The following WASL variants were observed in gnomAD, a reference collection of about 807,000 sequenced individuals.
WASL encodes the protein actin nucleation-promoting factor WASL.
In WASL, 20 loss-of-function variants were observed where a neutral mutation model predicts 55.5. The observed-to-expected ratio is 0.36, with a 90% CI of 0.25 to 0.52. The LOEUF is 0.52. Ranked by LOEUF, WASL falls within the 20% of genes least tolerant of loss-of-function variation. The probability of loss-of-function intolerance (pLI) is 0.92; values close to 1 mark genes in which losing one functional copy is unlikely to be tolerated. For synonymous variants in WASL, 249 were observed against 217.6 expected (o/e 1.14, Z -1.27); for missense variants, 504 against 622.5 (o/e 0.81, Z 2.03).
At chr7:123,689,858 T>C (rs1803370434) in intron 9 of WASL, among the ~76,000 whole-genome samples, 1 of 151,136 alleles carries the variant, frequency 6.6e-6, no homozygotes, top group Admixed American at 6.6e-5. Flanking sequence ...TACATACATA[T>C]ATAATATATA....
chr7:123,700,094 T>C (rs985268436), intron 5 of WASL, among the ~76,000 whole-genome samples: 29 of 135,918 alleles, frequency 2.1e-4, no homozygotes, highest in Non-Finnish European at 2.6e-4. Flanking sequence ...GAGAATGGCG[T>C]GAACCCGGGA....
In WASL at chr7:123,737,596, C is replaced by CAAAAAAA. The variant is rs34669724; in HGVS notation, c.117+11015_117+11021dup. The stretch of plus-strand genomic sequence containing the variant: ...GGTGACAGAGCAAGACTCCGTCTCC[C>CAAAAAAA]AAAAAAAAAAAAAAAAAAAGCATTT... On this transcript the variant is annotated intron_variant, in intron 1 of 10. Transcript: ENST00000223023. Among the ~76,000 whole-genome samples, 47 of 72,790 alleles carry CAAAAAAA rather than the reference C, an allele frequency of 6.5e-4. 1 individual carries two copies. Among genetic ancestry groups the CAAAAAAA allele is most frequent in the Non-Finnish European group, 1.1e-3 (41 of 38,672 alleles). The allele number at this position is 72,790 out of a possible 152,430, so 47.8% of individuals were successfully genotyped here.
chr7:123,687,372 T>G (rs1004527306), intron 10 of WASL, among the ~76,000 whole-genome samples: 1 of 152,106 alleles, frequency 6.6e-6, no homozygotes, highest in Non-Finnish European at 1.5e-5. Context: ...CTCCTACTAC[T>G]TCTTGTATTT....
At chr7:123,731,559 T>C (rs148023723) in intron 1 of WASL, among the ~76,000 whole-genome samples, 3 of 151,940 alleles carry the variant, frequency 2.0e-5, no homozygotes, top group Admixed American at 6.5e-5. Context: ...TTTTGGGCCA[T>C]AAAACACACC....
intron 3 of WASL, 116 bp from the exon 4 acceptor site, chr7:123,706,489 G>T: frequency 1.0e-6 from 1 of 964,888 alleles, no homozygotes; most frequent in Non-Finnish European, 1.5e-6. Context: ...AATTTTACTA[G>T]CAGATAAGAC....
At chr7:123,699,790 T>C (rs577442195) in intron 5 of WASL, among the ~76,000 whole-genome samples, 35 of 152,320 alleles carry the variant, frequency 2.3e-4, no homozygotes, top group African/African-American at 8.2e-4. Flanking sequence ...GTTTCCCCTC[T>C]TTCTCTACCC....
At chr7:123,723,951 A>G (rs1803998029) in intron 1 of WASL, among the ~76,000 whole-genome samples, 1 of 152,240 alleles carries the variant, frequency 6.6e-6, no homozygotes, top group Non-Finnish European at 1.5e-5. Flanking sequence ...TGAAATCTTA[A>G]TGAAATTCAA....
intron 1 of WASL, among the ~76,000 whole-genome samples, chr7:123,715,952 T>TG (rs1803833818): frequency 1.3e-5 from 2 of 152,172 alleles, no homozygotes; most frequent in South Asian, 4.1e-4. Context: ...CATTATAGAC[T>TG]GGGTTATATT....
intron 10 of WASL, among the ~76,000 whole-genome samples, chr7:123,685,105 T>C (rs1187742469): frequency 1.3e-5 from 2 of 151,934 alleles, no homozygotes; most frequent in African/African-American, 4.8e-5. Flanking sequence ...CTTTCACTGC[T>C]ACTCTCCACA....
At position 123,692,798 on chromosome 7, in the gene WASL, G is replaced by C; in HGVS notation, c.896C>G (p.Pro299Arg). ...PPPPPPHNSG[P>R]PPPPARGRGA... is the part of the protein sequence containing the mutation. ...TCTTCCCCTAGCAGGAGGAGGAGGA[G>C]GACCTGAGTTGTGTGGAGGGGGAGG... is the stretch of plus-strand genomic sequence containing the variant. Residue 299 changes from proline to arginine, a missense_variant, in exon 9 of 11, where the codon CCT becomes CGT. By Grantham distance (103) the Pro-to-Arg change is moderately radical. Transcript: ENST00000223023. 1 of 1,463,916 alleles carries C rather than the reference G, an allele frequency of 6.8e-7. No individual in the cohort carries two copies. The highest frequency in any genetic ancestry group is 2.4e-5 in the East Asian group (1 of 41,744). The allele number at this position is 1,463,916 out of a possible 1,614,324, so 90.7% of individuals were successfully genotyped here. A position where few individuals can be genotyped will look rare whatever the true frequency, so the allele number is the denominator to read the frequency against.
At chr7:123,741,885 A>G (rs928738188) in intron 1 of WASL, among the ~76,000 whole-genome samples, 6 of 152,182 alleles carry the variant, frequency 3.9e-5, no homozygotes, top group African/African-American at 1.4e-4. Context: ...CTCCAATTCT[A>G]TATGTTATGA....
intron 1 of WASL, among the ~76,000 whole-genome samples, chr7:123,734,702 T>G (rs570187261): frequency 1.1e-4 from 16 of 151,934 alleles, no homozygotes; most frequent in South Asian, 6.2e-4. Context: ...TATTCTGGTA[T>G]GACACTGTAA....
chr7:123,694,923 A>T, intron 7 of WASL, 55 bp from the exon 8 acceptor site: 7 of 1,544,944 alleles, frequency 4.5e-6, no homozygotes, highest in Non-Finnish European at 6.1e-6. Flanking sequence ...TAAAAAACAT[A>T]ATTTTAAGTC....
At chr7:123,696,953 T>C (rs1803503312) in intron 5 of WASL, among the ~76,000 whole-genome samples, 1 of 152,038 alleles carries the variant, frequency 6.6e-6, no homozygotes, top group Non-Finnish European at 1.5e-5. Context: ...ATGCACTATT[T>C]CAAAGCAAAC....
chr7:123,736,169 C>A (rs1308422849), intron 1 of WASL, among the ~76,000 whole-genome samples: 1 of 152,018 alleles, frequency 6.6e-6, no homozygotes, highest in Admixed American at 6.6e-5. Context: ...TAATTTTATA[C>A]CCAGAGAAAA....
At chr7:123,697,539 G>C (rs1803512552) in intron 5 of WASL, among the ~76,000 whole-genome samples, 1 of 152,114 alleles carries the variant, frequency 6.6e-6, no homozygotes, top group African/African-American at 2.4e-5. Context: ...TTCAACTAAA[G>C]GGCAACACAT....
In WASL at chr7:123,704,675, A is replaced by T; in HGVS notation, c.437-18T>A. On this transcript the variant is annotated intron_variant, in intron 4 of 10. Coordinates refer to ENST00000223023, the MANE Select transcript of WASL (RefSeq NM_003941.4). ...TCTTTTCTCTGTTAGAAAATAAATTAGAAGAATATTATTAAATATATGTAA... is the reference window on the plus strand; with the variant it reads ...TCTTTTCTCTGTTAGAAAATAAATTTGAAGAATATTATTAAATATATGTAA... 7.0e-7 allele frequency: 1 copy of T among 1,418,812 alleles called. No homozygotes were observed. 87.9% of individuals were successfully genotyped at this position (1,418,812 alleles called of 1,614,324 possible).
intron 8 of WASL, 115 bp from the exon 9 acceptor site, chr7:123,692,982 A>T: frequency 7.9e-7 from 1 of 1,261,912 alleles, no homozygotes; most frequent in South Asian, 3.3e-5. Context: ...AAAGGGTCTC[A>T]TCTTTGCATT....
At chr7:123,727,997 A>G (rs1436608476) in intron 1 of WASL, among the ~76,000 whole-genome samples, 1 of 152,232 alleles carries the variant, frequency 6.6e-6, no homozygotes, top group Non-Finnish European at 1.5e-5. Flanking sequence ...TTATTTGAAA[A>G]GAAATGTACC....
Sources: allele counts gnomAD v4.1 joint callset (sites outside exome capture counted in the v4.1 genomes callset), GRCh38; gene constraint gnomAD v4.1.1; transcripts MANE v1.5; gene names NCBI Gene and HGNC (gene_info 2026-07-23, HGNC 2026-07-21).